Variants in CREB5 observed in about 807,000 individuals in gnomAD.
The protein encoded by CREB5 is cyclic AMP-responsive element-binding protein 5.
A neutral mutation model predicts 57.1 loss-of-function variants in CREB5; 19 were observed. That is an observed-to-expected ratio of 0.33 (90% confidence interval 0.23 to 0.49). CREB5 has a LOEUF of 0.49. Among genes scored for constraint, CREB5 ranks in the 20% least tolerant of loss-of-function variants. CREB5 has a pLI of 0.99. For synonymous variants in CREB5, 238 were observed against 238.3 expected (o/e 1.00, Z 0.01); for missense variants, 579 against 671.6 (o/e 0.86, Z 1.52).
At chr7:28,512,587 T>TC (rs1554335416) in intron 4 of CREB5, among the ~76,000 whole-genome samples, 1 of 151,902 alleles carries the variant, frequency 6.6e-6, no homozygotes, top group East Asian at 1.9e-4. Context: ...TTTAATGACT[T>TC]AAAAAAGAAA....
At chr7:28,377,417 G>A (rs779481415) in intron 1 of CREB5, among the ~76,000 whole-genome samples, 10 of 151,678 alleles carry the variant, frequency 6.6e-5, no homozygotes, top group Non-Finnish European at 1.3e-4. Flanking sequence ...TCATCTGTTT[G>A]TTTTTACTTT....
chr7:28,602,227 A>G (rs1410707655), intron 5 of CREB5, among the ~76,000 whole-genome samples: 1 of 152,106 alleles, frequency 6.6e-6, no homozygotes, highest in African/African-American at 2.4e-5. Context: ...CTTGCTTTCA[A>G]GTGATTCTCC....
chr7:28,545,805 G>A lies in CREB5; in HGVS notation c.292-24560G>A, dbSNP rs160372. 7.4e-3 allele frequency among the ~76,000 whole-genome samples: 1,122 copies of A among 150,758 alleles called. 13 individuals carry two copies. The highest frequency in any genetic ancestry group is 0.026 in the African/African-American group (1,057 of 40,826). ...ATTCTCTTCTTCTGCATGGATCCAT[G>A]TAAAATTCATAGCTGTGTGTGTGTG... On this transcript the variant is annotated intron_variant, in intron 4 of 10. Coordinates refer to ENST00000357727, the MANE Select transcript of CREB5 (RefSeq NM_182898.4).
At position 28,561,007 on chromosome 7, in the gene CREB5, T is replaced by TGCGTGC. The variant is rs765237919; in HGVS notation, c.292-9357_292-9356insCGTGCG. ...GTGCGTGTGTGTGCCTGCGTGTGCG[T>TGCGTGC]GTGTGTGTGCGTGTGTGCGTGTGTG... On this transcript the variant is annotated intron_variant, in intron 4 of 10. Transcript: ENST00000357727. Among the ~76,000 whole-genome samples, 52 of 44,080 alleles carry TGCGTGC rather than the reference T, an allele frequency of 1.2e-3. 4 individuals are homozygous for TGCGTGC. The highest frequency in any genetic ancestry group is 3.9e-3 in the South Asian group (4 of 1,022). 28.9% of individuals were successfully genotyped at this position (44,080 alleles called of 152,430 possible).
intron 1 of CREB5, among the ~76,000 whole-genome samples, chr7:28,463,914 T>A (rs895524086): frequency 4.6e-5 from 7 of 152,196 alleles, no homozygotes; most frequent in Admixed American, 3.9e-4. Flanking sequence ...TACCTTTTAT[T>A]TCATTTTCTT....
At chr7:28,710,963 A>G (rs1802370746) in intron 5 of CREB5, among the ~76,000 whole-genome samples, 1 of 152,160 alleles carries the variant, frequency 6.6e-6, no homozygotes, top group African/African-American at 2.4e-5. Context: ...GGTGGTGAAG[A>G]TTACATATGT....
Position 28,358,901 on chromosome 7 carries a change from G to A in CREB5, c.-25+59460G>A, listed in dbSNP as rs190351831. On this transcript the variant is annotated intron_variant, in intron 1 of 9. Transcript: ENST00000396299. ...AGTGACTTGGTATACGTATTGGGGAGTTGTTAATAGGGGTGAGGAGAACCC... is the reference window on the plus strand; with the variant it reads ...AGTGACTTGGTATACGTATTGGGGAATTGTTAATAGGGGTGAGGAGAACCC... Among the ~76,000 whole-genome samples the A allele has an allele frequency of 2.0e-5, 3 of 152,314 alleles. No homozygotes were observed. In the East Asian group the frequency reaches 5.8e-4, roughly 29 times the overall value.
At chr7:28,611,777 GA>G (rs2128677701) in intron 5 of CREB5, among the ~76,000 whole-genome samples, 1 of 151,948 alleles carries the variant, frequency 6.6e-6, no homozygotes, top group Non-Finnish European at 1.5e-5. Flanking sequence ...TGGGGAAAGG[GA>G]ATGAGGTGAT....
intron 1 of CREB5, among the ~76,000 whole-genome samples, chr7:28,416,588 A>G (rs1034578702): frequency 6.6e-6 from 1 of 152,128 alleles, no homozygotes; most frequent in Admixed American, 6.5e-5. Context: ...GAAGGGTCTG[A>G]TTTGCCTCAC....
intron 4 of CREB5, among the ~76,000 whole-genome samples, chr7:28,508,200 T>C (rs1357883035): frequency 6.6e-6 from 1 of 152,234 alleles, no homozygotes; most frequent in African/African-American, 2.4e-5. Flanking sequence ...TGAACATCTG[T>C]TGTTGCTGAG....
intron 1 of CREB5, among the ~76,000 whole-genome samples, chr7:28,334,045 C>A (rs148048591): frequency 6.6e-6 from 1 of 152,158 alleles, no homozygotes; most frequent in African/African-American, 2.4e-5. Context: ...TCCTTGCCAG[C>A]GTTTGTAATT....
chr7:28,694,463 C>A (rs1362460422), intron 5 of CREB5, among the ~76,000 whole-genome samples: 1 of 152,084 alleles, frequency 6.6e-6, no homozygotes, highest in Non-Finnish European at 1.5e-5. Context: ...CTCCCTGTGA[C>A]GTGTACAGGT....
chr7:28,637,122 C>G (rs1798452494), intron 5 of CREB5, among the ~76,000 whole-genome samples: 1 of 151,848 alleles, frequency 6.6e-6, no homozygotes. Flanking sequence ...CCACTGTACT[C>G]CAGCCTGGGT....
chr7:28,635,326 C>T (rs1798375202), intron 5 of CREB5, among the ~76,000 whole-genome samples: 1 of 152,158 alleles, frequency 6.6e-6, no homozygotes, highest in African/African-American at 2.4e-5. Context: ...CTATATCTTA[C>T]CCTCATTTAT....
chr7:28,307,043 C>A (rs1187547196), intron 1 of CREB5, among the ~76,000 whole-genome samples: 1 of 152,136 alleles, frequency 6.6e-6, no homozygotes, highest in African/African-American at 2.4e-5. Context: ...TTTCTTTAAA[C>A]TTTATTGGCT....
chr7:28,728,336 C>T (rs1803439358), intron 7 of CREB5, among the ~76,000 whole-genome samples: 1 of 152,198 alleles, frequency 6.6e-6, no homozygotes, highest in South Asian at 2.1e-4. Flanking sequence ...AAGTTTCAGA[C>T]TCCAGTAACA....
At chr7:28,803,755 CAAAAAAAAAAA>C (rs562078960) in intron 7 of CREB5, among the ~76,000 whole-genome samples, 2 of 79,800 alleles carry the variant, frequency 2.5e-5, no homozygotes, top group Non-Finnish European at 4.9e-5. Flanking sequence ...GACTCCATCT[CAAAAAAAAAAA>C]AAAAAAAAAA....
intron 1 of CREB5, among the ~76,000 whole-genome samples, chr7:28,347,170 T>A (rs1032399877): frequency 3.3e-5 from 5 of 152,254 alleles, no homozygotes; most frequent in African/African-American, 1.2e-4. Flanking sequence ...TGTGCAAACA[T>A]GCAATGTTAA....
Position 28,540,173 on chromosome 7 carries a change from A to G in CREB5, c.292-30192A>G, listed in dbSNP as rs143600118. 1.6e-4 allele frequency among the ~76,000 whole-genome samples: 24 copies of G among 152,308 alleles called. No individual in the cohort carries two copies. The East Asian group carries it at 4.6e-3, about 29-fold the overall frequency. On this transcript the variant is annotated intron_variant, in intron 4 of 10. Coordinates refer to ENST00000357727, the MANE Select transcript of CREB5 (RefSeq NM_182898.4). Reference sequence around the variant, plus strand: ...TGGTCTTTTGCTCAATGTGATTTCAAAGGGCCTAGTATAATTTTTCTGAGT... The same window carrying G: ...TGGTCTTTTGCTCAATGTGATTTCAGAGGGCCTAGTATAATTTTTCTGAGT...
Sources: gnomAD v4.1 joint callset for allele counts (sites outside exome capture counted in the v4.1 genomes callset) on GRCh38, gnomAD v4.1.1 for gene constraint, MANE v1.5 for transcripts, NCBI Gene and HGNC (gene_info 2026-07-23, HGNC 2026-07-21) for gene names.